The following DISP1 variants were observed in gnomAD, a reference collection of about 807,000 sequenced individuals.
DISP1 encodes protein dispatched homolog 1.
In DISP1, 30 loss-of-function variants were observed where a neutral mutation model predicts 37.3. The observed-to-expected ratio is 0.80, with a 90% confidence interval of 0.60 to 1.09. The LOEUF (loss-of-function observed/expected upper bound fraction) is 1.09, where lower values mean the gene tolerates loss of function less well. Among genes scored for constraint, DISP1 ranks in the 50% least tolerant of loss-of-function variants. DISP1 has a pLI of 0.00. For synonymous variants in DISP1, 634 were observed against 690.2 expected (o/e 0.92, Z 1.28); for missense variants, 1,598 against 1,879.5 (o/e 0.85, Z 2.77).
Position 222,980,888 on chromosome 1 carries a change from G to A in DISP1, c.510-2192G>A, listed in dbSNP as rs554215958. On this transcript the variant is annotated intron_variant, in intron 3 of 8. Coordinates refer to ENST00000675850, the MANE Select transcript of DISP1 (RefSeq NM_001377229.1). ...AGGTCAGGAGTTCGAGGCCAGCCTG[G>A]CCAACATGGTGAAACCCCATCTCTA... is the stretch of plus-strand genomic sequence containing the variant. Among the ~76,000 whole-genome samples, 11 of 152,298 alleles carry A rather than the reference G, an allele frequency of 7.2e-5. No homozygotes were observed. In the East Asian group the frequency reaches 1.7e-3, roughly 24 times the overall value.
At chr1:222,941,281 G>A (rs964780754) in intron 2 of DISP1, among the ~76,000 whole-genome samples, 4 of 152,114 alleles carry the variant, frequency 2.6e-5, no homozygotes, top group African/African-American at 9.7e-5. Flanking sequence ...TTAACACTGG[G>A]AACATTGGAA....
At chr1:222,929,983 A>G (rs1538561) in intron 2 of DISP1, among the ~76,000 whole-genome samples, 18,042 of 152,198 alleles carry the variant, frequency 0.12, 1,212 homozygotes, top group African/African-American at 0.15. Flanking sequence ...AAAAATGTGT[A>G]ATGTTTTAAG....
rs1433484374 is a variant in DISP1 at position 222,961,117 on chromosome 1, A to G, written c.509+17785A>G. 3.9e-5 allele frequency among the ~76,000 whole-genome samples: 6 copies of G among 152,358 alleles called. No homozygotes were observed. The East Asian group carries it at 1.2e-3, about 29-fold the overall frequency. ...GAGGGATTCCTCCCTAACTCATTTT[A>G]TGAAGCCAGCATCATCCTGATACCA... On this transcript the variant is annotated intron_variant, in intron 3 of 8. Coordinates refer to ENST00000675850, the MANE Select transcript of DISP1 (RefSeq NM_001377229.1).
At chr1:222,833,350 A>G (rs1436967843) in intron 1 of DISP1, among the ~76,000 whole-genome samples, 1 of 152,162 alleles carries the variant, frequency 6.6e-6, no homozygotes, top group East Asian at 1.9e-4. Flanking sequence ...CTTTTTGTTC[A>G]AGGACATTTC....
chr1:222,829,350 T>C (rs1028731212), intron 1 of DISP1, among the ~76,000 whole-genome samples: 1 of 152,128 alleles, frequency 6.6e-6, no homozygotes, highest in Non-Finnish European at 1.5e-5. Context: ...CATCTTTGTA[T>C]TGGAATTTTA....
At chr1:222,901,254 AT>A (rs912944105) in intron 1 of DISP1, among the ~76,000 whole-genome samples, 10 of 152,112 alleles carry the variant, frequency 6.6e-5, no homozygotes, top group African/African-American at 1.9e-4. Flanking sequence ...TTTGTGAGAG[AT>A]TTGAGGAGCC....
intron 2 of DISP1, among the ~76,000 whole-genome samples, chr1:222,936,931 T>C (rs1172242036): frequency 7.1e-5 from 5 of 70,656 alleles, no homozygotes; most frequent in African/African-American, 2.5e-4. Flanking sequence ...ATATAATATG[T>C]AATATATATT....
chr1:222,880,141 A>T (rs570635963), intron 1 of DISP1, among the ~76,000 whole-genome samples: 6 of 152,334 alleles, frequency 3.9e-5, no homozygotes, highest in African/African-American at 1.4e-4. Flanking sequence ...ATCTGTACCC[A>T]TTACAATTTA....
In DISP1 at chr1:222,979,425, T is replaced by A. The variant is rs546524113; in HGVS notation, c.510-3655T>A. On this transcript the variant is annotated intron_variant, in intron 3 of 8. Coordinates refer to ENST00000675850, the MANE Select transcript of DISP1 (RefSeq NM_001377229.1). Reference sequence around the variant, plus strand: ...TTGTCTCAAAAAAAAAATTTAAATTTAAAAATTTTTAAATAAAATTAATTT... The same window carrying A: ...TTGTCTCAAAAAAAAAATTTAAATTAAAAAATTTTTAAATAAAATTAATTT... Among the ~76,000 whole-genome samples the A allele has an allele frequency of 3.5e-5, 5 of 142,946 alleles. No homozygotes were observed. In the South Asian group the frequency reaches 1.2e-3, roughly 33 times the overall value. The allele number at this position is 142,946 out of a possible 152,430, so 93.8% of individuals were successfully genotyped here. A position where few individuals can be genotyped will look rare whatever the true frequency, so the allele number is the denominator to read the frequency against.
Position 223,005,421 on chromosome 1 carries a change from G to C in DISP1, c.4024G>C (p.Val1342Leu). 1 of 1,613,578 alleles carries C rather than the reference G, an allele frequency of 6.2e-7. No homozygotes were observed. Among genetic ancestry groups the C allele is most frequent in the Admixed American group, 1.7e-5 (1 of 60,026 alleles). Residue 1342 changes from valine (V) to leucine (L), a missense_variant, in exon 9 of 9, where the codon GTA (valine) becomes CTA (leucine). Transcript: ENST00000675850. ...IHHCPCLQGR[V>L]KPAGMQNSLP... Reference sequence around the variant, plus strand: ...CCACTGTCCCTGCCTGCAGGGCAGAGTAAAGCCAGCCGGAATGCAGAATTC... The same window carrying C: ...CCACTGTCCCTGCCTGCAGGGCAGACTAAAGCCAGCCGGAATGCAGAATTC...
chr1:222,932,211 G>A (rs1036511282), intron 2 of DISP1, among the ~76,000 whole-genome samples: 54 of 151,790 alleles, frequency 3.6e-4, no homozygotes, highest in African/African-American at 1.2e-3. Flanking sequence ...TCTCAGCTCT[G>A]ACTGCATGTT....
At chr1:222,897,651 G>C (rs1671341947) in intron 1 of DISP1, among the ~76,000 whole-genome samples, 2 of 152,084 alleles carry the variant, frequency 1.3e-5, no homozygotes, top group African/African-American at 4.8e-5. Context: ...CAATGAACCT[G>C]TCATTAATCA....
At chr1:222,917,241 C>T (rs35529147) in intron 1 of DISP1, among the ~76,000 whole-genome samples, 10,395 of 152,192 alleles carry the variant, frequency 0.068, 508 homozygotes, top group East Asian at 0.25. Context: ...GCATTTGTCC[C>T]CCCTTCATTC....
chr1:222,926,639 A>G (rs1673100441), intron 1 of DISP1, among the ~76,000 whole-genome samples: 1 of 152,176 alleles, frequency 6.6e-6, no homozygotes, highest in Non-Finnish European at 1.5e-5. Flanking sequence ...CATTGAGTGC[A>G]TGCCTAACAG....
intron 1 of DISP1, among the ~76,000 whole-genome samples, chr1:222,847,870 T>G (rs1668006377): frequency 6.6e-6 from 1 of 152,196 alleles, no homozygotes; most frequent in Admixed American, 6.5e-5. Flanking sequence ...AACTTGTGAC[T>G]AGTCAGTTTT....
Position 223,004,105 on chromosome 1 carries a change from A to G in DISP1, c.2708A>G (p.Tyr903Cys), listed in dbSNP as rs543931560. Residue 903 changes from tyrosine (Y) to cysteine (C), a missense_variant, in exon 9 of 9, where the codon TAC becomes TGC. Physicochemically the swap from Tyr to Cys is radical, Grantham distance 194. Transcript: ENST00000675850. The surrounding 1 kb of genome is among the most constrained non-coding windows in gnomAD (Gnocchi z 4.9). The stretch of plus-strand genomic sequence containing the variant: ...ATGGAGCTGGAAAGGAGTACAGGGT[A>G]CCATTTGGATAGCAAAACCCCAGGG... ...AIMELERSTG[Y>C]HLDSKTPGPR... 3.1e-6 allele frequency: 5 copies of G among 1,614,200 alleles called. No individual in the cohort carries two copies. The highest frequency in any genetic ancestry group is 4.2e-6 in the Non-Finnish European group (5 of 1,180,036).
intron 1 of DISP1, among the ~76,000 whole-genome samples, chr1:222,823,667 A>G (rs1049797330): frequency 2.0e-5 from 3 of 152,190 alleles, no homozygotes; most frequent in African/African-American, 7.2e-5. Context: ...AAATTTATGC[A>G]AATAAATAAA....
At chr1:222,874,702 G>T (rs1482041050) in intron 1 of DISP1, among the ~76,000 whole-genome samples, 3 of 151,854 alleles carry the variant, frequency 2.0e-5, no homozygotes, top group Non-Finnish European at 2.9e-5. Flanking sequence ...CCATTGGTTC[G>T]AACTTCCTCC....
At chr1:222,845,845 G>A (rs1667865483) in intron 1 of DISP1, among the ~76,000 whole-genome samples, 1 of 152,088 alleles carries the variant, frequency 6.6e-6, no homozygotes, top group African/African-American at 2.4e-5. Flanking sequence ...AAATGTACTA[G>A]CCACTTGACA....
Sources: allele counts gnomAD v4.1 joint callset (sites outside exome capture counted in the v4.1 genomes callset), GRCh38; gene constraint gnomAD v4.1.1; non-coding constraint Gnocchi (gnomAD v3.1); transcripts MANE v1.5; gene names NCBI Gene and HGNC (gene_info 2026-07-23, HGNC 2026-07-21).